Variants in ROBO1 observed in about 807,000 individuals in gnomAD.
ROBO1 encodes roundabout guidance receptor 1.
In ROBO1, 149 loss-of-function variants were observed where a neutral mutation model predicts 195.9. The ratio of observed to expected loss-of-function variants is 0.76; its 90% CI spans 0.67 to 0.87. The LOEUF (loss-of-function observed/expected upper bound fraction) is 0.87, where lower values mean the gene tolerates loss of function less well. Among genes scored for constraint, ROBO1 ranks in the 40% least tolerant of loss-of-function variants. The probability of loss-of-function intolerance (pLI) is 0.00; values close to 1 mark genes in which losing one functional copy is unlikely to be tolerated. For synonymous variants in ROBO1, 816 were observed against 733.2 expected, an observed-to-expected ratio of 1.11 and a Z score of -1.82; for missense variants, 1,933 against 2,068.3, an observed-to-expected ratio of 0.93 and a Z score of 1.27.
intron 2 of ROBO1, among the ~76,000 whole-genome samples, chr3:79,519,760 T>C (rs1941126861): frequency 6.6e-6 from 1 of 152,034 alleles, no homozygotes; most frequent in South Asian, 2.1e-4. Context: ...GTGGGTCTGA[T>C]GTCTTCGCAA....
At chr3:79,299,963 CTTAT>C (rs1405397284) in intron 2 of ROBO1, among the ~76,000 whole-genome samples, 1 of 152,082 alleles carries the variant, frequency 6.6e-6, no homozygotes, top group African/African-American at 2.4e-5. Flanking sequence ...CTGTGAAATA[CTTAT>C]TTAATACCTG....
chr3:79,041,137 A>G (rs2078480513), intron 3 of ROBO1, among the ~76,000 whole-genome samples: 1 of 151,562 alleles, frequency 6.6e-6, no homozygotes, highest in Non-Finnish European at 1.5e-5. Flanking sequence ...CACTGTTCTC[A>G]CTCCTCTAAG....
intron 30 of ROBO1, among the ~76,000 whole-genome samples, chr3:78,599,233 C>G (rs113963154): frequency 6.6e-6 from 1 of 152,096 alleles, no homozygotes; most frequent in Non-Finnish European, 1.5e-5. Flanking sequence ...GTCAACATTA[C>G]AACTCTGCTT....
chr3:79,469,008 T>G (rs886136820), intron 2 of ROBO1, among the ~76,000 whole-genome samples: 1 of 152,174 alleles, frequency 6.6e-6, no homozygotes, highest in African/African-American at 2.4e-5. Context: ...TATTTGGCAC[T>G]CAGCAAGTAC....
At chr3:79,765,474 A>T (rs1474766780) in intron 1 of ROBO1, among the ~76,000 whole-genome samples, 3 of 152,156 alleles carry the variant, frequency 2.0e-5, no homozygotes, top group Non-Finnish European at 2.9e-5. Context: ...AATCAACATG[A>T]TGCATGCTTA....
chr3:79,577,001 ATCTTT>A (rs1943507719), intron 2 of ROBO1, among the ~76,000 whole-genome samples: 1 of 152,078 alleles, frequency 6.6e-6, no homozygotes, highest in Non-Finnish European at 1.5e-5. Flanking sequence ...TTTCTTAAAC[ATCTTT>A]TCTTTTTACA....
At chr3:79,263,089 C>G (rs1356505152) in intron 2 of ROBO1, among the ~76,000 whole-genome samples, 1 of 152,166 alleles carries the variant, frequency 6.6e-6, no homozygotes, top group Non-Finnish European at 1.5e-5. Context: ...TGTTTTCATA[C>G]CCTTTAGTAC....
chr3:79,561,141 T>C (rs1309461502), intron 2 of ROBO1, among the ~76,000 whole-genome samples: 1 of 152,172 alleles, frequency 6.6e-6, no homozygotes, highest in African/African-American at 2.4e-5. Flanking sequence ...TTCCTTTACT[T>C]GACTTTTCCA....
At position 78,617,768 on chromosome 3, in the gene ROBO1, A is replaced by G. The variant is rs1481606050; in HGVS notation, c.4149T>C (p.Ile1383=). 5.1e-5 allele frequency: 82 copies of G among 1,613,920 alleles called. No homozygotes were observed. Among genetic ancestry groups the G allele is most frequent in the Non-Finnish European group, 6.8e-5 (80 of 1,179,858 alleles). The change falls in exon 27 of 31, where the codon ATT becomes ATC. Residue 1383 remains isoleucine, a synonymous_variant. Transcript: ENST00000464233. ...AACTAACACTGGAGCGTCCGCTGGA[A>G]ATGTTGTCCTCCTCTGAGGCTGAGC... ...GWGSASEEDN[I]SSGRSSVSSS... is the part of the protein sequence containing the mutation.
intron 29 of ROBO1, among the ~76,000 whole-genome samples, chr3:78,602,463 T>C (rs1417619844): frequency 2.6e-5 from 4 of 152,156 alleles, no homozygotes; most frequent in Non-Finnish European, 5.9e-5. Context: ...CTTTTATAAA[T>C]TACCCAGTCT....
chr3:79,263,307 C>T (rs192295603), intron 2 of ROBO1, among the ~76,000 whole-genome samples: 1 of 151,974 alleles, frequency 6.6e-6, no homozygotes, highest in African/African-American at 2.4e-5. Context: ...CTCCTGATAA[C>T]AAAGACCAGT....
intron 4 of ROBO1, among the ~76,000 whole-genome samples, chr3:78,916,171 A>G (rs1576394120): frequency 1.4e-5 from 2 of 144,454 alleles, no homozygotes; most frequent in Non-Finnish European, 3.0e-5. Context: ...AATGGCGTGA[A>G]CCCGGGAGGC....
intron 9 of ROBO1, among the ~76,000 whole-genome samples, chr3:78,687,087 T>G (rs1379249577): frequency 6.6e-6 from 1 of 152,196 alleles, no homozygotes; most frequent in African/African-American, 2.4e-5. Context: ...GACAACATTT[T>G]AGGGAAAAAT....
intron 1 of ROBO1, among the ~76,000 whole-genome samples, chr3:79,613,746 T>C (rs1944736663): frequency 6.6e-6 from 1 of 152,040 alleles, no homozygotes; most frequent in African/African-American, 2.4e-5. Context: ...AAGGTAACTA[T>C]CTTTAGACTG....
At chr3:79,197,975 A>C (rs2081674729) in intron 2 of ROBO1, among the ~76,000 whole-genome samples, 1 of 151,340 alleles carries the variant, frequency 6.6e-6, no homozygotes, top group South Asian at 2.1e-4. Flanking sequence ...AATGTTCTCC[A>C]AATCTGTAGG....
intron 1 of ROBO1, among the ~76,000 whole-genome samples, chr3:79,735,278 A>G (rs1703331634): frequency 6.6e-6 from 1 of 152,230 alleles, no homozygotes; most frequent in African/African-American, 2.4e-5. Context: ...CTTCAGTAGC[A>G]CAATAAGGAA....
chr3:78,798,486 A>G (rs1168377519), intron 4 of ROBO1, among the ~76,000 whole-genome samples: 1 of 152,202 alleles, frequency 6.6e-6, no homozygotes, highest in Non-Finnish European at 1.5e-5. Flanking sequence ...GTTTATAAAA[A>G]CAATGTCAGG....
At chr3:79,658,974 G>A (rs897446978) in intron 1 of ROBO1, among the ~76,000 whole-genome samples, 5 of 151,578 alleles carry the variant, frequency 3.3e-5, no homozygotes, top group Middle Eastern at 3.2e-3. Flanking sequence ...TGACATCGTG[G>A]TTCACCCACC....
intron 2 of ROBO1, among the ~76,000 whole-genome samples, chr3:79,322,220 T>C (rs2034011346): frequency 6.6e-6 from 1 of 152,186 alleles, no homozygotes; most frequent in Non-Finnish European, 1.5e-5. Context: ...ACTATGGTAA[T>C]ACAAATAGTA....
Sources: gnomAD v4.1 joint callset for allele counts (sites outside exome capture counted in the v4.1 genomes callset) on GRCh38, gnomAD v4.1.1 for gene constraint, MANE v1.5 for transcripts, NCBI Gene and HGNC (gene_info 2026-07-23, HGNC 2026-07-21) for gene names.